SCCPDH: variants seen among roughly 807,000 people sequenced by gnomAD.
SCCPDH encodes saccharopine dehydrogenase-like oxidoreductase.
In SCCPDH, 34 loss-of-function variants were observed where a neutral mutation model predicts 51.5. The observed-to-expected ratio is 0.66, with a 90% confidence interval of 0.50 to 0.88. The LOEUF (loss-of-function observed/expected upper bound fraction) is 0.88, where lower values mean the gene tolerates loss of function less well. Ranked by LOEUF, SCCPDH falls within the 40% of genes least tolerant of loss-of-function variation. The probability of loss-of-function intolerance (pLI) is 0.00; values close to 1 mark genes in which losing one functional copy is unlikely to be tolerated. For synonymous variants in SCCPDH, 187 were observed against 191.3 expected (o/e 0.98, Z 0.19); for missense variants, 464 against 527.1 (o/e 0.88, Z 1.17).
intron 5 of SCCPDH, 151 bp from the exon 6 acceptor site, chr1:246,758,075 T>C (rs1247028242): frequency 1.8e-6 from 1 of 553,802 alleles, no homozygotes; most frequent in Non-Finnish European, 3.0e-6. Flanking sequence ...CCCTAGCTGG[T>C]CATGAAAATT....
At chr1:246,731,131 C>T (rs1162297247) in intron 2 of SCCPDH, among the ~76,000 whole-genome samples, 1 of 152,128 alleles carries the variant, frequency 6.6e-6, no homozygotes, top group East Asian at 1.9e-4. Context: ...CAATTGGCCT[C>T]ACAGGGGAGA....
At chr1:246,750,656 A>G (rs1186749435) in intron 5 of SCCPDH, among the ~76,000 whole-genome samples, 2 of 152,210 alleles carry the variant, frequency 1.3e-5, no homozygotes, top group Admixed American at 6.5e-5. Flanking sequence ...AATGCTTTCT[A>G]TTAATCTAAA....
At chr1:246,740,807 G>A (rs1010320754) in intron 4 of SCCPDH, among the ~76,000 whole-genome samples, 2 of 152,192 alleles carry the variant, frequency 1.3e-5, no homozygotes, top group African/African-American at 4.8e-5. Context: ...TGAGCAGGGT[G>A]TGGTGGCTTA....
chr1:246,764,266 G>A lies in SCCPDH; in HGVS notation c.1011G>A (p.Thr337=), dbSNP rs150912136. The A allele has an allele frequency of 1.3e-4, 205 of 1,612,994 alleles. No individual in the cohort carries two copies. In the African/African-American group the frequency reaches 1.5e-3, roughly 12 times the overall value. Reference sequence around the variant, plus strand: ...CACAGATTGATGCTGCCTCATTCACGCTGACATTCTTTGGTCAAGGATACA... The same window carrying A: ...CACAGATTGATGCTGCCTCATTCACACTGACATTCTTTGGTCAAGGATACA... ...TQKQIDAASF[T]LTFFGQGYSQ... The change falls in exon 10 of 12, where the codon ACG becomes ACA. Residue 337 remains threonine (T), a synonymous_variant. Transcript: ENST00000366510.
intron 2 of SCCPDH, among the ~76,000 whole-genome samples, chr1:246,735,020 A>G (rs1668546189): frequency 6.6e-6 from 1 of 152,082 alleles, no homozygotes; most frequent in South Asian, 2.1e-4. Flanking sequence ...CAATAATACC[A>G]CTGGTTCTTG....
rs560128062 is a variant in SCCPDH at position 246,727,142 on chromosome 1, C to T, written c.303+138C>T. 38 of 665,982 alleles carry T rather than the reference C, an allele frequency of 5.7e-5. 1 individual carries two copies. The East Asian group carries it at 7.7e-4, about 13-fold the overall frequency. The allele number at this position is 665,982 out of a possible 1,614,324, so 41.3% of individuals were successfully genotyped here. Reference sequence around the variant, plus strand: ...CCATATGGGGAGTTTTTTCTTCTTGCGAGGAGCAGCTGGAGATGACCAAAG... The same window carrying T: ...CCATATGGGGAGTTTTTTCTTCTTGTGAGGAGCAGCTGGAGATGACCAAAG... On this transcript the variant is annotated intron_variant, in intron 2 of 11. Transcript: ENST00000366510.
intron 5 of SCCPDH, among the ~76,000 whole-genome samples, chr1:246,756,421 C>T (rs1668933340): frequency 6.6e-6 from 1 of 152,172 alleles, no homozygotes; most frequent in South Asian, 2.1e-4. Context: ...TGTACGTTGG[C>T]TTCATAACAT....
chr1:246,730,626 T>A (rs768869167), intron 2 of SCCPDH, among the ~76,000 whole-genome samples: 1 of 152,190 alleles, frequency 6.6e-6, no homozygotes, highest in Non-Finnish European at 1.5e-5. Flanking sequence ...AGTCAGTCCA[T>A]ATAGTAACCG....
At chr1:246,753,336 G>A (rs575593275) in intron 5 of SCCPDH, among the ~76,000 whole-genome samples, 1 of 152,100 alleles carries the variant, frequency 6.6e-6, no homozygotes, top group East Asian at 1.9e-4. Flanking sequence ...TATCTTTCCA[G>A]TTCTCTATCT....
intron 3 of SCCPDH, among the ~76,000 whole-genome samples, chr1:246,736,434 GC>G (rs369296865): frequency 6.6e-6 from 1 of 152,326 alleles, no homozygotes; most frequent in African/African-American, 2.4e-5. Flanking sequence ...GGGCACGGTG[GC>G]TCACACCTGC....
At chr1:246,735,447 G>A (rs1668551171) in intron 2 of SCCPDH, among the ~76,000 whole-genome samples, 1 of 152,212 alleles carries the variant, frequency 6.6e-6, no homozygotes, top group African/African-American at 2.4e-5. Context: ...TCTTCAGGTA[G>A]AGGTAAGCAT....
chr1:246,761,332 C>T (rs1193754538), intron 9 of SCCPDH, among the ~76,000 whole-genome samples: 1 of 152,210 alleles, frequency 6.6e-6, no homozygotes, highest in Non-Finnish European at 1.5e-5. Flanking sequence ...GCCTCAGCCT[C>T]CCAAAGTGCT....
chr1:246,755,690 A>G (rs1185498858), intron 5 of SCCPDH: 2 of 153,128 alleles, frequency 1.3e-5, no homozygotes, highest in East Asian at 3.8e-4. Context: ...CTTTGTACAC[A>G]TAAGCGCATT....
At chr1:246,759,186 G>T (rs780071142) in intron 7 of SCCPDH, 35 bp downstream of exon 7, 4 of 1,108,132 alleles carry the variant, frequency 3.6e-6, no homozygotes, top group Non-Finnish European at 5.5e-6. Context: ...AATAAAGTGT[G>T]TGTTACAGTT....
At chr1:246,749,362 T>C (rs1668817449) in intron 5 of SCCPDH, among the ~76,000 whole-genome samples, 1 of 152,206 alleles carries the variant, frequency 6.6e-6, no homozygotes, top group African/African-American at 2.4e-5. Context: ...AGTAGCTACA[T>C]AGGTTTTATC....
intron 9 of SCCPDH, among the ~76,000 whole-genome samples, chr1:246,763,033 G>T (rs1346122927): frequency 6.6e-6 from 1 of 152,100 alleles, no homozygotes; most frequent in Non-Finnish European, 1.5e-5. Context: ...CTGGAATGCA[G>T]CCTGGGCACT....
chr1:246,759,562 A>G (rs924771892), intron 7 of SCCPDH, among the ~76,000 whole-genome samples: 2 of 152,196 alleles, frequency 1.3e-5, no homozygotes, highest in African/African-American at 2.4e-5. Context: ...TTCATTGCCG[A>G]GACTTCAGGA....
intron 3 of SCCPDH, 117 bp downstream of exon 3, chr1:246,736,172 A>G: frequency 1.5e-6 from 1 of 659,078 alleles, no homozygotes. Context: ...CCTTTCTAGC[A>G]TTCAGATATG....
intron 2 of SCCPDH, among the ~76,000 whole-genome samples, chr1:246,734,878 A>C (rs1161838955): frequency 6.6e-6 from 1 of 152,250 alleles, no homozygotes; most frequent in East Asian, 1.9e-4. Flanking sequence ...TTGTATTTTA[A>C]TTCCTTGAGT....
Sources: gnomAD v4.1 joint callset for allele counts (sites outside exome capture counted in the v4.1 genomes callset) on GRCh38, gnomAD v4.1.1 for gene constraint, MANE v1.5 for transcripts, NCBI Gene and HGNC (gene_info 2026-07-23, HGNC 2026-07-21) for gene names.